DPP8: variants seen among roughly 807,000 people sequenced by gnomAD.
The protein encoded by DPP8 is dipeptidyl peptidase 8, also known as DPP VIII.
In DPP8, 31 loss-of-function variants were observed where a neutral mutation model predicts 107.5. The observed-to-expected ratio is 0.29, with a 90% CI of 0.22 to 0.39. DPP8 has a LOEUF of 0.39. DPP8 is among the 10% of genes least tolerant of loss of function. The pLI is 1.00. For missense variants in DPP8, 842 were observed against 1,076.1 expected (o/e 0.78, Z 3.04); for synonymous variants, 381 against 356.6 (o/e 1.07, Z -0.77).
rs1289420991 is a variant in DPP8 at position 65,512,845 on chromosome 15, C to G, written c.-11-281G>C. 1.3e-4 allele frequency: 47 copies of G among 368,272 alleles called. 1 individual carries two copies. The East Asian group carries it at 2.3e-3, about 18-fold the overall frequency. The allele number at this position is 368,272 out of a possible 1,614,324, so 22.8% of individuals were successfully genotyped here. A position where few individuals can be genotyped will look rare whatever the true frequency, so the allele number is the denominator to read the frequency against. On this transcript the variant is annotated intron_variant, in intron 1 of 19. Coordinates refer to ENST00000300141, the MANE Select transcript of DPP8 (RefSeq NM_130434.5). ...AAGGCTCTCCTTAGGTATTTCTTGCCAAAACTCCCTTTTCTTTCCCACACT... is the reference window on the plus strand; with the variant it reads ...AAGGCTCTCCTTAGGTATTTCTTGCGAAAACTCCCTTTTCTTTCCCACACT...
Position 65,466,357 on chromosome 15 carries a change from C to T in DPP8, c.1825+321G>A, listed in dbSNP as rs535150502. ...TTTTACTAATTGGCCAGGCTGGTCC[C>T]GAACTCCTGACCTCAAGTGATCCAC... is the stretch of plus-strand genomic sequence containing the variant. On this transcript the variant is annotated intron_variant, in intron 14 of 19. Coordinates refer to ENST00000300141, the MANE Select transcript of DPP8 (RefSeq NM_130434.5). Among the ~76,000 whole-genome samples the T allele has an allele frequency of 5.9e-5, 9 of 152,222 alleles. No homozygotes were observed. The East Asian group carries it at 1.2e-3, about 20-fold the overall frequency.
intron 19 of DPP8, among the ~76,000 whole-genome samples, chr15:65,449,041 CTACTAAAAG>C (rs1003934293): frequency 2.8e-5 from 4 of 142,578 alleles, no homozygotes; most frequent in African/African-American, 1.0e-4. Context: ...AACCCTGTCT[CTACTAAAAG>C]TACAAAAAAA....
At chr15:65,448,830 CAT>C (rs1339990777) in intron 19 of DPP8, among the ~76,000 whole-genome samples, 4 of 106,136 alleles carry the variant, frequency 3.8e-5, no homozygotes, top group Non-Finnish European at 6.0e-5. Flanking sequence ...CTAAAGTATA[CAT>C]ATATAATATA....
chr15:65,512,177 A>C (rs1044990316), intron 2 of DPP8, 118 bp downstream of exon 2: 1 of 1,061,152 alleles, frequency 9.4e-7, no homozygotes, highest in African/African-American at 1.6e-5. Flanking sequence ...CTTTTCTTTA[A>C]TGAAACCAAA....
chr15:65,490,420 G>A (rs963386832), intron 5 of DPP8, 121 bp from the exon 6 acceptor site: 17 of 693,366 alleles, frequency 2.5e-5, no homozygotes, highest in Non-Finnish European at 3.3e-5. Context: ...GGAGCTGAAC[G>A]GACTGAGTTC....
chr15:65,506,705 A>G lies in DPP8; in HGVS notation c.372+538T>C, dbSNP rs557429162. Among the ~76,000 whole-genome samples the G allele has an allele frequency of 1.3e-4, 19 of 149,016 alleles. 1 individual carries two copies. The South Asian group carries it at 3.8e-3, about 30-fold the overall frequency. On this transcript the variant is annotated intron_variant, in intron 3 of 19. Transcript: ENST00000300141. ...AAATCCTGGAATCTGTTTATATATT[A>G]TACATATATAAACATATATATGTTT...
At position 65,445,018 on chromosome 15, in the gene DPP8, G is replaced by C. The variant is rs2063442277; in HGVS notation, c.*1866C>G. On this transcript the variant is annotated 3_prime_UTR_variant, in exon 20 of 20. Transcript: ENST00000300141. ...TGAAAATATATATAAACAAATCTTGGCATGGGAAAATATCAAACATGAAAA... is the reference window on the plus strand; with the variant it reads ...TGAAAATATATATAAACAAATCTTGCCATGGGAAAATATCAAACATGAAAA... 6.6e-6 allele frequency: 1 copy of C among 152,070 alleles called. No individual in the cohort carries two copies. The highest frequency in any genetic ancestry group is 1.5e-5 in the Non-Finnish European group (1 of 68,030). The allele number at this position is 152,070 out of a possible 1,614,324, so 9.4% of individuals were successfully genotyped here.
chr15:65,514,739 T>C (rs2071232062), intron 1 of DPP8, among the ~76,000 whole-genome samples: 1 of 152,208 alleles, frequency 6.6e-6, no homozygotes, highest in Non-Finnish European at 1.5e-5. Flanking sequence ...CTTGAACTCC[T>C]GACCTCATGA....
intron 7 of DPP8, 38 bp downstream of exon 7, chr15:65,487,652 G>C (rs1249266200): frequency 6.3e-7 from 1 of 1,578,712 alleles, no homozygotes; most frequent in East Asian, 2.3e-5. Flanking sequence ...TTTGGAAAGA[G>C]GAAATGAGTG....
At chr15:65,474,443 T>C (rs759839873) in intron 11 of DPP8, among the ~76,000 whole-genome samples, 155 bp from the exon 12 acceptor site, 14 of 152,184 alleles carry the variant, frequency 9.2e-5, no homozygotes, top group Non-Finnish European at 1.6e-4. Context: ...TTGCACAGCA[T>C]TGTGAATGTA....
intron 4 of DPP8, 86 bp downstream of exon 4, chr15:65,500,520 G>T: frequency 2.9e-6 from 3 of 1,031,706 alleles, no homozygotes; most frequent in Non-Finnish European, 2.8e-6. Context: ...GAAGTTGCTG[G>T]TTTGTTTATT....
intron 12 of DPP8, among the ~76,000 whole-genome samples, chr15:65,471,103 T>C (rs1346530876): frequency 6.6e-6 from 1 of 152,170 alleles, no homozygotes; most frequent in Non-Finnish European, 1.5e-5. Flanking sequence ...ATGTAATGAC[T>C]CATCCTTCAA....
Position 65,467,179 on chromosome 15 carries a change from G to A in DPP8, c.1581C>T (p.Thr527=). 4 of 1,614,042 alleles carry A rather than the reference G, an allele frequency of 2.5e-6. No homozygotes were observed. The highest frequency in any genetic ancestry group is 3.4e-6 in the Non-Finnish European group (4 of 1,179,978). The change falls in exon 13 of 20, where the codon ACC becomes ACT. Residue 527 remains threonine, a synonymous_variant. Transcript: ENST00000300141. ...EVRRLVYFEG[T]KDSPLEHHLY... is the part of the protein sequence containing the mutation. ...GGTGATGCTCTAAAGGGGAGTCTTT[G>A]GTGCCTTCAAAATATACCAGCCTTC...
At chr15:65,477,448 TACTC>T (rs2066496413) in intron 11 of DPP8, among the ~76,000 whole-genome samples, 1 of 151,394 alleles carries the variant, frequency 6.6e-6, no homozygotes, top group African/African-American at 2.4e-5. Flanking sequence ...TATAAAAACA[TACTC>T]AATGTCACTA....
At chr15:65,512,682 T>A in intron 1 of DPP8, 118 bp from the exon 2 acceptor site, 1 of 984,430 alleles carries the variant, frequency 1.0e-6, no homozygotes, top group Admixed American at 2.4e-5. Flanking sequence ...AAATGCTTTT[T>A]AGCACAGCTG....
chr15:65,499,114 AATTT>A (rs2068924949), intron 4 of DPP8, among the ~76,000 whole-genome samples: 1 of 83,820 alleles, frequency 1.2e-5, no homozygotes, highest in Non-Finnish European at 2.5e-5. Flanking sequence ...TGTATATATA[AATTT>A]ATTAAGATGA....
At chr15:65,491,550 TG>T (rs1275612298) in intron 5 of DPP8, among the ~76,000 whole-genome samples, 2 of 152,232 alleles carry the variant, frequency 1.3e-5, no homozygotes, top group Admixed American at 6.5e-5. Context: ...TAGAAGTTCA[TG>T]TAAATGAAAT....
intron 4 of DPP8, 73 bp downstream of exon 4, chr15:65,500,533 T>C (rs2069107136): frequency 1.6e-6 from 2 of 1,217,452 alleles, no homozygotes; most frequent in Non-Finnish European, 2.3e-6. Context: ...TGTTTATTAA[T>C]TACCTTTCTG....
rs1234416784 is a variant in DPP8, at chr15:65,448,910, A to G, written c.2527-1904T>C. Among the ~76,000 whole-genome samples the G allele has an allele frequency of 3.7e-4, 30 of 81,358 alleles. 2 individuals carry two copies. Among genetic ancestry groups the G allele is most frequent in the African/African-American group, 1.5e-3 (29 of 18,880 alleles). The allele number at this position is 81,358 out of a possible 152,430, so 53.4% of individuals were successfully genotyped here. A position where few individuals can be genotyped will look rare whatever the true frequency, so the allele number is the denominator to read the frequency against. On this transcript the variant is annotated intron_variant, in intron 19 of 19. Coordinates refer to ENST00000300141, the MANE Select transcript of DPP8 (RefSeq NM_130434.5). ...TATATATATATATATATATATATAT[A>G]TATATATATATATTTAGCCTGGGTG...
Sources: allele counts gnomAD v4.1 joint callset (sites outside exome capture counted in the v4.1 genomes callset), GRCh38; gene constraint gnomAD v4.1.1; transcripts MANE v1.5; gene names NCBI Gene and HGNC (gene_info 2026-07-23, HGNC 2026-07-21).